Variants in SAMM50 observed in about 807,000 individuals in gnomAD.
SAMM50 encodes sorting and assembly machinery component 50 homolog.
Under a neutral mutation model 66.9 loss-of-function variants are expected in SAMM50, and 47 were observed. The observed-to-expected ratio is 0.70, with a 90% CI of 0.56 to 0.90. The LOEUF is 0.90. Among genes scored for constraint, SAMM50 ranks in the 40% least tolerant of loss-of-function variants. The pLI, the probability that SAMM50 is intolerant of heterozygous loss-of-function variation, is 0.00. For missense variants in SAMM50, 535 were observed against 595.3 expected (o/e 0.90, Z 1.05); for synonymous variants, 191 against 214.1 (o/e 0.89, Z 0.94).
chr22:43,970,600 ATTGGTGT>A, intron 4 of SAMM50, among the ~76,000 whole-genome samples: 1 of 152,260 alleles, frequency 6.6e-6, no homozygotes, highest in East Asian at 1.9e-4. Context: ...TGAGTTAATA[ATTGGTGT>A]ATGGGTTTAT....
chr22:43,984,715 G>A (rs1005737469), intron 12 of SAMM50, among the ~76,000 whole-genome samples: 5 of 151,654 alleles, frequency 3.3e-5, no homozygotes, highest in Non-Finnish European at 5.9e-5. Context: ...TGCAACCTCC[G>A]CCTCCCGGGT....
chr22:43,973,399 C>G (rs2050214540), intron 7 of SAMM50, 76 bp downstream of exon 7: 6 of 869,284 alleles, frequency 6.9e-6, no homozygotes, highest in Non-Finnish European at 1.2e-5. Flanking sequence ...CCAAAGGCAG[C>G]AAGAGGGCAG....
At chr22:43,968,450 T>A (rs2146811032) in intron 3 of SAMM50, among the ~76,000 whole-genome samples, 1 of 152,270 alleles carries the variant, frequency 6.6e-6, no homozygotes, top group South Asian at 2.1e-4. Flanking sequence ...AGACTGTGTG[T>A]TAGGTTTGTG....
chr22:43,972,651 G>C (rs917153842), intron 5 of SAMM50, among the ~76,000 whole-genome samples: 1 of 152,196 alleles, frequency 6.6e-6, no homozygotes, highest in African/African-American at 2.4e-5. Context: ...GGCAAGGTTA[G>C]CTTGTCCCTT....
chr22:43,967,531 G>C (rs913123323), intron 3 of SAMM50, among the ~76,000 whole-genome samples: 1 of 152,182 alleles, frequency 6.6e-6, no homozygotes, highest in Non-Finnish European at 1.5e-5. Context: ...TGTCTCCAGG[G>C]TCTGTCCTCC....
intron 3 of SAMM50, among the ~76,000 whole-genome samples, chr22:43,966,698 T>C (rs1443512468): frequency 6.6e-6 from 1 of 152,216 alleles, no homozygotes; most frequent in Non-Finnish European, 1.5e-5. Flanking sequence ...ACGGTCTCTT[T>C]CCCAAAATTG....
chr22:43,960,988 A>C (rs893436121), intron 1 of SAMM50, among the ~76,000 whole-genome samples: 5 of 152,194 alleles, frequency 3.3e-5, no homozygotes, highest in Non-Finnish European at 5.9e-5. Flanking sequence ...CTTACGGCAG[A>C]GTTCCTTGTA....
intron 1 of SAMM50, among the ~76,000 whole-genome samples, chr22:43,962,909 T>TC (rs2050154140): frequency 1.4e-5 from 2 of 139,232 alleles, no homozygotes; most frequent in Non-Finnish European, 3.1e-5. Flanking sequence ...TTTTTTTTTT[T>TC]TTTTTAGAGA....
At chr22:43,955,676 G>C (rs946542223) in intron 1 of SAMM50, 78 bp downstream of exon 1, 49 of 1,460,904 alleles carry the variant, frequency 3.4e-5, no homozygotes, top group Admixed American at 8.3e-5. Flanking sequence ...AGACGCTCTC[G>C]TGGCTGCGCC....
intron 14 of SAMM50, among the ~76,000 whole-genome samples, chr22:43,995,840 G>C (rs914540612): frequency 6.6e-6 from 1 of 152,212 alleles, no homozygotes; most frequent in African/African-American, 2.4e-5. Context: ...CTTCCTTCCT[G>C]GGGTCAGGAG....
rs1353753653 is a variant in SAMM50 at position 43,983,920 on chromosome 22, T to C, written c.1008-13T>C. ...CCTGACTTTCCTCTGACCTGTGTGCTGTTTTGTCCTAGGTTTTACCTTGGG... is the reference window on the plus strand; with the variant it reads ...CCTGACTTTCCTCTGACCTGTGTGCCGTTTTGTCCTAGGTTTTACCTTGGG... On this transcript the variant is annotated splice_polypyrimidine_tract_variant and intron_variant, in intron 11 of 14. Coordinates refer to ENST00000350028, the MANE Select transcript of SAMM50 (RefSeq NM_015380.5). The surrounding 1 kb of genome is among the most constrained non-coding windows in gnomAD (Gnocchi z 4.2). 1.9e-6 allele frequency: 3 copies of C among 1,599,778 alleles called. No individual in the cohort carries two copies. The highest frequency in any genetic ancestry group is 1.1e-5 in the South Asian group (1 of 89,216).
chr22:43,989,791 A>G (rs891165344), intron 13 of SAMM50, among the ~76,000 whole-genome samples: 1 of 150,690 alleles, frequency 6.6e-6, no homozygotes, highest in Non-Finnish European at 1.5e-5. Context: ...GCCCTTACGA[A>G]GAAAAATCTG....
chr22:43,972,247 C>T lies in SAMM50; in HGVS notation c.334C>T (p.Leu112Phe). Residue 112 changes from leucine (L) to phenylalanine (F), a missense_variant, in exon 5 of 15, where the codon CTT becomes TTT. Coordinates refer to ENST00000350028, the MANE Select transcript of SAMM50 (RefSeq NM_015380.5). ...ATTTTTTTATTTAGGTGATGACGCA[C>T]TTCCAAATGGGTTAGACGTTACCTT... ...LIDTCQGDDA[L>F]PNGLDVTFEV... The T allele has an allele frequency of 6.3e-7, 1 of 1,580,084 alleles. No individual in the cohort carries two copies. Among genetic ancestry groups the T allele is most frequent in the Non-Finnish European group, 8.6e-7 (1 of 1,166,562 alleles).
intron 14 of SAMM50, among the ~76,000 whole-genome samples, chr22:43,991,452 C>T (rs1477855260): frequency 2.0e-5 from 3 of 151,838 alleles, no homozygotes; most frequent in African/African-American, 7.3e-5. Flanking sequence ...TTTGTAGAGA[C>T]AGGGTTTTAC....
chr22:43,996,451 C>T lies in SAMM50; in HGVS notation c.*68C>T. ...AAGGCGCCCATGCCACACACCGTCT[C>T]TCGAGGAAACGCGGTTCAGCGATTC... On this transcript the variant is annotated 3_prime_UTR_variant, in exon 15 of 15. Coordinates refer to ENST00000350028, the MANE Select transcript of SAMM50 (RefSeq NM_015380.5). 1.4e-6 allele frequency: 2 copies of T among 1,441,650 alleles called. No homozygotes were observed. 89.3% of individuals were successfully genotyped at this position (1,441,650 alleles called of 1,614,324 possible).
In SAMM50 at chr22:43,983,864, C is replaced by T. The variant is rs1341704579; in HGVS notation, c.1008-69C>T. ...ATGTGAGTCTGACATGTGTTTCCTA[C>T]GCGTTCCGTGTGTCATGTCGTTTCT... is the stretch of plus-strand genomic sequence containing the variant. On this transcript the variant is annotated intron_variant, in intron 11 of 14. Transcript: ENST00000350028. The surrounding 1 kb of genome is among the most constrained non-coding windows in gnomAD (Gnocchi z 4.2). 18 of 1,093,912 alleles carry T rather than the reference C, an allele frequency of 1.6e-5. No homozygotes were observed. The highest frequency in any genetic ancestry group is 1.0e-4 in the East Asian group (4 of 40,158). 67.8% of individuals were successfully genotyped at this position (1,093,912 alleles called of 1,614,324 possible).
At chr22:43,976,690 C>A in intron 8 of SAMM50, 60 bp from the exon 9 acceptor site, 2 of 1,289,350 alleles carry the variant, frequency 1.6e-6, no homozygotes, top group Admixed American at 1.7e-5. Context: ...GCTGTGAGTG[C>A]TCATGGTTAT....
rs143794573 is a variant in SAMM50 at position 43,976,103 on chromosome 22, C to T, written c.697C>T (p.Arg233Ter). 31 of 1,612,816 alleles carry T rather than the reference C, an allele frequency of 1.9e-5. No individual in the cohort carries two copies. The highest frequency in any genetic ancestry group is 2.2e-5 in the East Asian group (1 of 44,866). ...SHTVKWEGVW[R>*]ELGCLSRTAS... ...CACTGTCAAGTGGGAAGGCGTATGGCGAGAACTGGGCTGCCTCTCAAGGAC... is the reference window on the plus strand; with the variant it reads ...CACTGTCAAGTGGGAAGGCGTATGGTGAGAACTGGGCTGCCTCTCAAGGAC... The change falls in exon 8 of 15, where the codon CGA (arginine) becomes TGA (stop). Residue 233 changes from arginine (R) to a stop codon, truncating the protein, a stop_gained. Transcript: ENST00000350028. LOFTEE classifies it high-confidence loss of function.
In SAMM50 at chr22:43,964,383, G is replaced by A. The variant is rs2050162387; in HGVS notation, c.133-69G>A. 6.8e-6 allele frequency: 5 copies of A among 731,776 alleles called. No individual in the cohort carries two copies. In the Admixed American group the frequency reaches 1.1e-4, roughly 16 times the overall value. 45.3% of individuals were successfully genotyped at this position (731,776 alleles called of 1,614,324 possible). On this transcript the variant is annotated intron_variant, in intron 2 of 14. Transcript: ENST00000350028. ...TTGACATTAATTAAACCTTGACATT[G>A]TCTTTAGTCTTGACACCTAATCTGT...
Sources: allele counts gnomAD v4.1 joint callset (sites outside exome capture counted in the v4.1 genomes callset), GRCh38; gene constraint gnomAD v4.1.1; non-coding constraint Gnocchi (gnomAD v3.1); transcripts MANE v1.5; gene names NCBI Gene and HGNC (gene_info 2026-07-23, HGNC 2026-07-21).